CTNNA3: variants seen among roughly 807,000 people sequenced by gnomAD.
CTNNA3 encodes the protein catenin alpha 3.
A neutral mutation model predicts 95.7 loss-of-function variants in CTNNA3; 76 were observed. The ratio of observed to expected loss-of-function variants is 0.79; its 90% CI spans 0.66 to 0.96. CTNNA3 has a LOEUF of 0.96. Ranked by LOEUF, CTNNA3 falls within the 40% of genes least tolerant of loss-of-function variation. The probability of loss-of-function intolerance (pLI) is 0.00; values close to 1 mark genes in which losing one functional copy is unlikely to be tolerated. For missense variants in CTNNA3, 1,191 were observed against 1,089.8 expected (o/e 1.09, Z -1.31); for synonymous variants, 431 against 374.4 (o/e 1.15, Z -1.74).
intron 7 of CTNNA3, among the ~76,000 whole-genome samples, chr10:67,147,922 C>T (rs1267686140): frequency 1.3e-5 from 2 of 152,098 alleles, no homozygotes; most frequent in African/African-American, 4.8e-5. Flanking sequence ...AAAATATATA[C>T]AAGAATTACT....
intron 9 of CTNNA3, among the ~76,000 whole-genome samples, chr10:66,685,174 T>TACACATACCCTAACCCTAACCCTA (rs1554835094): frequency 7.4e-6 from 1 of 135,332 alleles, no homozygotes; most frequent in Non-Finnish European, 1.6e-5. Flanking sequence ...TATATATATA[T>TACACATACCCTAACCCTAACCCTA]ACACATATAT....
At chr10:67,502,925 G>T (rs1466974216) in intron 5 of CTNNA3, among the ~76,000 whole-genome samples, 1 of 152,192 alleles carries the variant, frequency 6.6e-6, no homozygotes, top group South Asian at 2.1e-4. Flanking sequence ...GGGATCCGCT[G>T]AGCTACACCA....
At chr10:66,578,756 T>G (rs1843085188) in intron 10 of CTNNA3, among the ~76,000 whole-genome samples, 1 of 150,144 alleles carries the variant, frequency 6.7e-6, no homozygotes, top group Admixed American at 6.7e-5. Flanking sequence ...CTCTGTTCAT[T>G]GGGGATATTG....
At chr10:66,590,968 A>C (rs1328249738) in intron 10 of CTNNA3, among the ~76,000 whole-genome samples, 3 of 152,142 alleles carry the variant, frequency 2.0e-5, no homozygotes, top group Non-Finnish European at 4.4e-5. Context: ...AGTACAATTT[A>C]ATACGGTTTA....
intron 1 of CTNNA3, among the ~76,000 whole-genome samples, chr10:67,688,552 T>G (rs1220798315): frequency 1.3e-5 from 2 of 152,204 alleles, no homozygotes; most frequent in Non-Finnish European, 2.9e-5. Flanking sequence ...TACTTTATAC[T>G]TCCTTCAGGT....
chr10:67,346,073 C>T (rs1263648612), intron 5 of CTNNA3, among the ~76,000 whole-genome samples: 3 of 152,062 alleles, frequency 2.0e-5, no homozygotes, highest in Non-Finnish European at 4.4e-5. Flanking sequence ...CTGATAACTA[C>T]TTAAGTTGTT....
chr10:66,831,959 G>A (rs1000994642), intron 7 of CTNNA3, among the ~76,000 whole-genome samples: 12 of 152,220 alleles, frequency 7.9e-5, no homozygotes, highest in African/African-American at 2.9e-4. Context: ...ATGGAATATA[G>A]AGCAAATCCT....
At chr10:66,009,544 ATTTTC>A (rs1336260605) in intron 15 of CTNNA3, among the ~76,000 whole-genome samples, 4 of 152,142 alleles carry the variant, frequency 2.6e-5, no homozygotes, top group African/African-American at 9.7e-5. Context: ...ACTTTCTAAT[ATTTTC>A]TTTTCACTCT....
chr10:67,381,732 A>T (rs1843954203), intron 5 of CTNNA3, among the ~76,000 whole-genome samples: 1 of 152,210 alleles, frequency 6.6e-6, no homozygotes, highest in Non-Finnish European at 1.5e-5. Flanking sequence ...CCATTTCTAT[A>T]TAGGCACTTT....
At chr10:67,700,464 T>C (rs1380587058), upstream of CTNNA3, among the ~76,000 whole-genome samples, 1 of 152,160 alleles carries the variant, frequency 6.6e-6, no homozygotes, top group Non-Finnish European at 1.5e-5. Context: ...GCATTCACGG[T>C]TCACGAAAAT....
chr10:67,209,177 T>C (rs1015670076), intron 6 of CTNNA3, among the ~76,000 whole-genome samples: 1 of 152,118 alleles, frequency 6.6e-6, no homozygotes, highest in Non-Finnish European at 1.5e-5. Flanking sequence ...GCTTCCCAAG[T>C]AGCTGGTTTT....
intron 5 of CTNNA3, among the ~76,000 whole-genome samples, chr10:67,267,151 A>C (rs936872737): frequency 3.3e-5 from 5 of 152,206 alleles, no homozygotes; most frequent in African/African-American, 1.2e-4. Flanking sequence ...ATTAAAACAC[A>C]AACAATTCTT....
intron 11 of CTNNA3, among the ~76,000 whole-genome samples, chr10:66,491,748 G>A (rs113499222): frequency 6.6e-6 from 1 of 152,094 alleles, no homozygotes; most frequent in East Asian, 1.9e-4. Context: ...GGCTAATTTT[G>A]TTATAAATAG....
In CTNNA3 at chr10:66,000,114, G is replaced by T. The variant is rs183902383; in HGVS notation, c.2160-11317C>A. Among the ~76,000 whole-genome samples the T allele has an allele frequency of 1.2e-4, 18 of 152,178 alleles. No individual in the cohort carries two copies. The East Asian group carries it at 3.3e-3, about 28-fold the overall frequency. ...TAAAGATAATTTTAAAACATTATGGGTTAGAAAGTATAATGAAAAAGGCTA... is the reference window on the plus strand; with the variant it reads ...TAAAGATAATTTTAAAACATTATGGTTTAGAAAGTATAATGAAAAAGGCTA... On this transcript the variant is annotated intron_variant, in intron 15 of 17. Transcript: ENST00000433211.
chr10:66,095,910 C>G (rs2081370846), intron 14 of CTNNA3, among the ~76,000 whole-genome samples: 2 of 151,982 alleles, frequency 1.3e-5, no homozygotes, highest in Non-Finnish European at 2.9e-5. Context: ...ACTATATGCT[C>G]TTAAGTGAAT....
At chr10:66,931,192 TAAAA>T in intron 7 of CTNNA3, among the ~76,000 whole-genome samples, 1 of 118,674 alleles carries the variant, frequency 8.4e-6, no homozygotes, top group African/African-American at 3.2e-5. Flanking sequence ...TGACAACAGT[TAAAA>T]AAAAAAAAAA....
At chr10:66,824,477 C>G (rs1842422161) in intron 7 of CTNNA3, among the ~76,000 whole-genome samples, 1 of 151,998 alleles carries the variant, frequency 6.6e-6, no homozygotes, top group Non-Finnish European at 1.5e-5. Flanking sequence ...CCCTGGTAGG[C>G]TGAAATGGTT....
At chr10:66,350,440 C>CA (rs1288258632) in intron 12 of CTNNA3, among the ~76,000 whole-genome samples, 1 of 151,732 alleles carries the variant, frequency 6.6e-6, no homozygotes, top group African/African-American at 2.4e-5. Context: ...TTTTCCCAAT[C>CA]AAAAATAGAA....
At chr10:66,132,719 T>C (rs1007521036) in intron 13 of CTNNA3, among the ~76,000 whole-genome samples, 16 of 152,200 alleles carry the variant, frequency 1.1e-4, no homozygotes, top group African/African-American at 2.4e-5. Context: ...TATGCAGCCA[T>C]ATAAAAGAAT....
Sources: allele counts gnomAD v4.1 joint callset (sites outside exome capture counted in the v4.1 genomes callset), GRCh38; gene constraint gnomAD v4.1.1; transcripts MANE v1.5; gene names NCBI Gene and HGNC (gene_info 2026-07-23, HGNC 2026-07-21).